ANKS6: variants seen among roughly 807,000 people sequenced by gnomAD.
The protein encoded by ANKS6 is ankyrin repeat and sterile alpha motif domain containing 6.
A neutral mutation model predicts 77.9 loss-of-function variants in ANKS6; 47 were observed. The ratio of observed to expected loss-of-function variants is 0.60; its 90% CI spans 0.48 to 0.77. The LOEUF is 0.77. ANKS6 is among the 30% of genes least tolerant of loss of function. The pLI is 0.00. For synonymous variants in ANKS6, 488 were observed against 501.7 expected (o/e 0.97, Z 0.37); for missense variants, 1,150 against 1,159.1 (o/e 0.99, Z 0.11).
In ANKS6 at chr9:98,732,447, A is replaced by C; in HGVS notation, c.*4072T>G. ...TCAGGCACATTTGGAGGGCAGGTCC[A>C]TCGGCCACTCCTCACTTCTGTGGGC... On this transcript the variant is annotated 3_prime_UTR_variant, in exon 15 of 15. Transcript: ENST00000353234. 1 of 1,533,078 alleles carries C rather than the reference A, an allele frequency of 6.5e-7. No homozygotes were observed. The highest frequency in any genetic ancestry group is 8.8e-7 in the Non-Finnish European group (1 of 1,132,066). 95.0% of individuals were successfully genotyped at this position (1,533,078 alleles called of 1,614,324 possible).
rs1395219818 is a variant in ANKS6, at chr9:98,734,349, G to A, written c.*2170C>T. ...TGTGAAAAGGTGACCCCCCGGTGCA[G>A]CTGTGTATCATTGTTCAATCAAACT... On this transcript the variant is annotated 3_prime_UTR_variant, in exon 15 of 15. Coordinates refer to ENST00000353234, the MANE Select transcript of ANKS6 (RefSeq NM_173551.5). 1 of 985,386 alleles carries A rather than the reference G, an allele frequency of 1.0e-6. No individual in the cohort carries two copies. Among genetic ancestry groups the A allele is most frequent in the African/African-American group, 1.7e-5 (1 of 57,242 alleles). The allele number at this position is 985,386 out of a possible 1,614,324, so 61.0% of individuals were successfully genotyped here.
rs536657603 is a variant in ANKS6 at position 98,751,310 on chromosome 9, A to C, written c.2327-214T>G. 9.9e-4 allele frequency among the ~76,000 whole-genome samples: 150 copies of C among 152,280 alleles called. 1 individual carries two copies. Among genetic ancestry groups the C allele is most frequent in the African/African-American group, 3.5e-3 (145 of 41,546 alleles). On this transcript the variant is annotated intron_variant, in intron 12 of 14. Transcript: ENST00000353234. ...CTTCCCCTCAAGGCAGGCCCTCAGC[A>C]ATCAACAAAACTCCACGTCAGGCTG...
At chr9:98,780,414 GT>G in intron 5 of ANKS6, 77 bp from the exon 6 acceptor site, 1 of 1,462,066 alleles carries the variant, frequency 6.8e-7, no homozygotes, top group Non-Finnish European at 9.2e-7. Flanking sequence ...GATGACCCCT[GT>G]TAGACTTAGA....
chr9:98,793,772 A>G (rs1335800389), intron 1 of ANKS6, among the ~76,000 whole-genome samples: 1 of 150,576 alleles, frequency 6.6e-6, no homozygotes, highest in Non-Finnish European at 1.5e-5. Context: ...TGACCTCCTG[A>G]TCTGCCCGCC....
chr9:98,737,284 C>T, intron 14 of ANKS6, among the ~76,000 whole-genome samples: 1 of 152,178 alleles, frequency 6.6e-6, no homozygotes, highest in South Asian at 2.1e-4. Context: ...GGAAGTCAAA[C>T]TGTCGCTGTT....
At chr9:98,794,259 C>T (rs940644930) in intron 1 of ANKS6, among the ~76,000 whole-genome samples, 2 of 151,958 alleles carry the variant, frequency 1.3e-5, no homozygotes, top group South Asian at 4.1e-4. Context: ...GCCTGATCCA[C>T]ACAGAGAGCT....
In ANKS6 at chr9:98,790,172, G is replaced by A; in HGVS notation, c.794C>T (p.Ala265Val). 1.9e-6 allele frequency: 3 copies of A among 1,599,450 alleles called. No homozygotes were observed. Among genetic ancestry groups the A allele is most frequent in the Non-Finnish European group, 2.6e-6 (3 of 1,168,324 alleles). ...AAGGTCCCTGTGCTTGCAGTCCAGT[G>A]CAACCTCGAAGGCGGTCTTCTCCAG... ...SVLEKTAFEVALDCKHRDLVD... is the reference protein window; with the variant it reads ...SVLEKTAFEVVLDCKHRDLVD... Residue 265 changes from alanine (A) to valine (V), a missense_variant, in exon 2 of 15, where the codon GCA becomes GTA. Ala to Val is a moderately conservative substitution (Grantham distance 64). Transcript: ENST00000353234.
rs1831444887 is a variant in ANKS6 at position 98,735,427 on chromosome 9, TAA to T, written c.*1090_*1091del. The T allele has an allele frequency of 1.7e-6, 2 of 1,177,066 alleles. No homozygotes were observed. The highest frequency in any genetic ancestry group is 2.1e-6 in the Non-Finnish European group (2 of 955,004). 72.9% of individuals were successfully genotyped at this position (1,177,066 alleles called of 1,614,324 possible). ...AACACTTCAGAAAGCCAGTGGGTTT[TAA>T]AAGTCAGGGCCCCTCTAATTTAATA... On this transcript the variant is annotated 3_prime_UTR_variant, in exon 15 of 15. Coordinates refer to ENST00000353234, the MANE Select transcript of ANKS6 (RefSeq NM_173551.5).
chr9:98,773,801 G>A (rs1259834807), intron 9 of ANKS6, 76 bp downstream of exon 9: 3 of 1,320,614 alleles, frequency 2.3e-6, no homozygotes, highest in African/African-American at 3.0e-5. Context: ...TCGGTTTGAG[G>A]TCCCGCTGCC....
Position 98,733,860 on chromosome 9 carries a change from G to A in ANKS6, c.*2659C>T, listed in dbSNP as rs539579350. The A allele has an allele frequency of 1.0e-6, 1 of 985,316 alleles. No individual in the cohort carries two copies. The highest frequency in any genetic ancestry group is 1.1e-4 in the East Asian group (1 of 8,806). The allele number at this position is 985,316 out of a possible 1,614,324, so 61.0% of individuals were successfully genotyped here. On this transcript the variant is annotated 3_prime_UTR_variant, in exon 15 of 15. Coordinates refer to ENST00000353234, the MANE Select transcript of ANKS6 (RefSeq NM_173551.5). ...TTCTTTATGAAAAACCTATTATCCTGTGGAACTAGGGTTCCCAGGAGCATA... is the reference window on the plus strand; with the variant it reads ...TTCTTTATGAAAAACCTATTATCCTATGGAACTAGGGTTCCCAGGAGCATA...
At chr9:98,760,070 A>G (rs775240553) in intron 11 of ANKS6, among the ~76,000 whole-genome samples, 9 of 152,174 alleles carry the variant, frequency 5.9e-5, no homozygotes, top group Non-Finnish European at 1.0e-4. Flanking sequence ...ATGTATCTAA[A>G]CATCACTATG....
intron 11 of ANKS6, among the ~76,000 whole-genome samples, chr9:98,765,735 A>G (rs998944755): frequency 2.0e-5 from 3 of 152,172 alleles, no homozygotes; most frequent in African/African-American, 7.2e-5. Context: ...CTCTAACGCC[A>G]CCTATGCTGT....
rs1043997225 is a variant in ANKS6 at position 98,738,579 on chromosome 9, A to T, written c.2512-1956T>A. Among the ~76,000 whole-genome samples the T allele has an allele frequency of 1.9e-4, 29 of 151,890 alleles. 1 individual carries two copies. The highest frequency in any genetic ancestry group is 1.5e-3 in the East Asian group (8 of 5,188). On this transcript the variant is annotated intron_variant, in intron 14 of 14. Coordinates refer to ENST00000353234, the MANE Select transcript of ANKS6 (RefSeq NM_173551.5). ...AAGAATGGCCATAACAAAAAAATAA[A>T]ATAAAAAAAAAAACAGTAGATGCTG...
chr9:98,795,541 T>G (rs1271212687), intron 1 of ANKS6, among the ~76,000 whole-genome samples: 1 of 152,198 alleles, frequency 6.6e-6, no homozygotes. Context: ...TACCAGCTCG[T>G]GCACCCAAGC....
At chr9:98,784,993 T>A in intron 2 of ANKS6, 117 bp from the exon 3 acceptor site, 1 of 891,444 alleles carries the variant, frequency 1.1e-6, no homozygotes, top group Non-Finnish European at 1.8e-6. Flanking sequence ...AAAAGCAATC[T>A]AATTGGAGAC....
intron 12 of ANKS6, among the ~76,000 whole-genome samples, chr9:98,751,734 G>A (rs1294827457): frequency 6.6e-6 from 1 of 152,100 alleles, no homozygotes; most frequent in African/African-American, 2.4e-5. Context: ...CATTCAATAG[G>A]GATTTGCCAA....
chr9:98,732,466 TG>T lies in ANKS6; in HGVS notation c.*4052del. ...AGGTCCATCGGCCACTCCTCACTTC[TG>T]TGGGCTCCGATGCCAGCAGAGCCAC... On this transcript the variant is annotated 3_prime_UTR_variant, in exon 15 of 15. Coordinates refer to ENST00000353234, the MANE Select transcript of ANKS6 (RefSeq NM_173551.5). The T allele has an allele frequency of 6.5e-7, 1 of 1,548,830 alleles. No homozygotes were observed. Among genetic ancestry groups the T allele is most frequent in the Non-Finnish European group, 8.7e-7 (1 of 1,145,634 alleles).
At chr9:98,760,516 C>T (rs1832951029) in intron 11 of ANKS6, among the ~76,000 whole-genome samples, 1 of 152,204 alleles carries the variant, frequency 6.6e-6, no homozygotes, top group African/African-American at 2.4e-5. Flanking sequence ...AATGACATCA[C>T]TTTGGAGATT....
intron 6 of ANKS6, among the ~76,000 whole-genome samples, chr9:98,779,108 C>A (rs551669342): frequency 1.3e-5 from 2 of 152,192 alleles, no homozygotes; most frequent in African/African-American, 4.8e-5. Context: ...ACAAAAGGAG[C>A]GCCGAGTCTG....
Sources: gnomAD v4.1 joint callset for allele counts (sites outside exome capture counted in the v4.1 genomes callset) on GRCh38, gnomAD v4.1.1 for gene constraint, MANE v1.5 for transcripts, NCBI Gene and HGNC (gene_info 2026-07-23, HGNC 2026-07-21) for gene names.